Variants in LRP1B observed in about 807,000 individuals in gnomAD.
The protein encoded by LRP1B is LDL receptor related protein 1B.
LRP1B carries 217 observed loss-of-function variants against 556.6 expected under a neutral mutation model. The observed-to-expected ratio is 0.39, with a 90% CI of 0.35 to 0.44. The LOEUF is 0.44. LRP1B is among the 20% of genes least tolerant of loss of function. LRP1B has a pLI of 1.00. For synonymous variants in LRP1B, 2,047 were observed against 1,865.8 expected (o/e 1.10, Z -2.50); for missense variants, 5,053 against 5,620.8 (o/e 0.90, Z 3.23).
At chr2:142,125,820 C>T (rs1029287733) in intron 1 of LRP1B, among the ~76,000 whole-genome samples, 5 of 151,800 alleles carry the variant, frequency 3.3e-5, no homozygotes, top group Non-Finnish European at 3.0e-5. Flanking sequence ...AGCTAATTTT[C>T]CCTACTCTCC....
In LRP1B at chr2:140,867,570, A is replaced by G. The variant is rs372951207; in HGVS notation, c.4579+20T>C. The G allele has an allele frequency of 4.4e-6, 7 of 1,602,596 alleles. No homozygotes were observed. In the African/African-American group the frequency reaches 6.7e-5, roughly 15 times the overall value. The stretch of plus-strand genomic sequence containing the variant: ...ATAATACTTTCTGGGTGGTTAATCC[A>G]TAAGTGAACAAGCACTTACCCTGTG... On this transcript the variant is annotated intron_variant, in intron 27 of 90. Coordinates refer to ENST00000389484, the MANE Select transcript of LRP1B (RefSeq NM_018557.3).
intron 2 of LRP1B, among the ~76,000 whole-genome samples, chr2:141,705,673 C>T (rs142654373): frequency 5.9e-4 from 89 of 152,114 alleles, no homozygotes; most frequent in African/African-American, 2.1e-3. Context: ...TATTCACGAA[C>T]TCAGACTTTA....
At chr2:141,391,109 G>A (rs975003779) in intron 3 of LRP1B, among the ~76,000 whole-genome samples, 1 of 152,122 alleles carries the variant, frequency 6.6e-6, no homozygotes, top group African/African-American at 2.4e-5. Flanking sequence ...GGCTTTTGCA[G>A]AAATGAATGT....
intron 41 of LRP1B, among the ~76,000 whole-genome samples, chr2:140,659,605 T>G (rs1170163021): frequency 6.6e-6 from 1 of 151,988 alleles, no homozygotes; most frequent in African/African-American, 2.4e-5. Context: ...ACAGGAAACA[T>G]TCAACACAGT....
At chr2:140,940,963 G>A (rs7340318) in intron 20 of LRP1B, among the ~76,000 whole-genome samples, 4,419 of 152,048 alleles carry the variant, frequency 0.029, 72 homozygotes, top group African/African-American at 0.04. Flanking sequence ...TCACCATTCC[G>A]ACTGGCGTGA....
chr2:140,452,419 T>G (rs1345122060), intron 62 of LRP1B, among the ~76,000 whole-genome samples: 1 of 152,146 alleles, frequency 6.6e-6, no homozygotes, highest in Non-Finnish European at 1.5e-5. Context: ...TAACGTTTAG[T>G]CAATTTCTCC....
chr2:140,872,360 ATTTTTTTTTTTTT>A (rs59469282), intron 25 of LRP1B, among the ~76,000 whole-genome samples: 2 of 60,496 alleles, frequency 3.3e-5, no homozygotes, highest in African/African-American at 6.8e-5. Context: ...GTGTCACCTG[ATTTTTTTTTTTTT>A]TTTTTTTTTT....
At position 140,592,578 on chromosome 2, in the gene LRP1B, T is replaced by C. The variant is rs546893569; in HGVS notation, c.7194+6053A>G. 1.1e-3 allele frequency among the ~76,000 whole-genome samples: 174 copies of C among 152,258 alleles called. 1 individual carries two copies. Among genetic ancestry groups the C allele is most frequent in the African/African-American group, 3.4e-3 (140 of 41,550 alleles). On this transcript the variant is annotated intron_variant, in intron 43 of 90. Coordinates refer to ENST00000389484, the MANE Select transcript of LRP1B (RefSeq NM_018557.3). ...TTTCTGGGCATCAAAACTTATTCTG[T>C]AAGTTTCAGAGTTCAGGCCCTTGAA... is the stretch of plus-strand genomic sequence containing the variant.
intron 27 of LRP1B, among the ~76,000 whole-genome samples, chr2:140,863,148 C>CTG (rs537399141): frequency 6.1e-4 from 93 of 151,746 alleles, no homozygotes; most frequent in African/African-American, 2.1e-3. Context: ...CTCTGTGTGT[C>CTG]TGTGTGTGTG....
chr2:142,051,131 T>C (rs1407976739), intron 1 of LRP1B, among the ~76,000 whole-genome samples: 4 of 151,774 alleles, frequency 2.6e-5, no homozygotes, highest in African/African-American at 7.3e-5. Context: ...GCCAGTAAAG[T>C]AGAGGAGTGT....
chr2:142,118,653 G>A (rs532480902), intron 1 of LRP1B, among the ~76,000 whole-genome samples: 2 of 152,260 alleles, frequency 1.3e-5, no homozygotes, highest in Non-Finnish European at 2.9e-5. Context: ...GATATGAGCA[G>A]AGTTCCAGTC....
intron 15 of LRP1B, among the ~76,000 whole-genome samples, chr2:141,003,701 G>A (rs1302353200): frequency 2.0e-5 from 3 of 151,854 alleles, no homozygotes; most frequent in Admixed American, 2.0e-4. Flanking sequence ...TCTTTCTTTT[G>A]TAAATTGCCA....
chr2:141,947,057 TGA>T (rs1200132845), intron 1 of LRP1B, among the ~76,000 whole-genome samples: 15 of 152,110 alleles, frequency 9.9e-5, no homozygotes, highest in Admixed American at 7.2e-4. Flanking sequence ...AAGAGGATGT[TGA>T]GAGTCTGGAT....
chr2:140,975,759 G>GT (rs1696578019), intron 18 of LRP1B, among the ~76,000 whole-genome samples: 2 of 152,014 alleles, frequency 1.3e-5, no homozygotes, highest in Admixed American at 1.3e-4. Flanking sequence ...ACATATGCAG[G>GT]TTTTTTCTTA....
chr2:140,330,550 T>TAC (rs1680754302), intron 79 of LRP1B, among the ~76,000 whole-genome samples: 1 of 152,088 alleles, frequency 6.6e-6, no homozygotes, highest in African/African-American at 2.4e-5. Flanking sequence ...ACCCCTTCCT[T>TAC]ACACCTTATA....
intron 66 of LRP1B, among the ~76,000 whole-genome samples, chr2:140,406,092 T>C (rs373035698): frequency 6.6e-6 from 1 of 152,094 alleles, no homozygotes; most frequent in African/African-American, 2.4e-5. Flanking sequence ...AACAAAACCA[T>C]ATAATCATCT....
In LRP1B at chr2:141,683,728, G is replaced by A. The variant is rs1271870429; in HGVS notation, c.205+126551C>T. Among the ~76,000 whole-genome samples, 3 of 152,128 alleles carry A rather than the reference G, an allele frequency of 2.0e-5. No individual in the cohort carries two copies. The South Asian group carries it at 6.2e-4, about 31-fold the overall frequency. On this transcript the variant is annotated intron_variant, in intron 2 of 90. Coordinates refer to ENST00000389484, the MANE Select transcript of LRP1B (RefSeq NM_018557.3). ...ATCTGTTAAATTATCAGCTTGTCTT[G>A]ATTGTAAAAGATGCTAAAATTGGGA...
intron 7 of LRP1B, among the ~76,000 whole-genome samples, chr2:141,083,548 C>T (rs1161372493): frequency 6.6e-6 from 1 of 152,142 alleles, no homozygotes; most frequent in African/African-American, 2.4e-5. Flanking sequence ...CTCTGAAACT[C>T]ATGTTAAAAA....
chr2:142,027,886 A>G (rs1703563339), intron 1 of LRP1B, among the ~76,000 whole-genome samples: 2 of 151,920 alleles, frequency 1.3e-5, no homozygotes, highest in African/African-American at 4.8e-5. Context: ...TCTGTTTTAG[A>G]AGTCTCAGTT....
Sources: allele counts gnomAD v4.1 joint callset (sites outside exome capture counted in the v4.1 genomes callset), GRCh38; gene constraint gnomAD v4.1.1; transcripts MANE v1.5; gene names NCBI Gene and HGNC (gene_info 2026-07-23, HGNC 2026-07-21).